BPIFB4: variants seen among roughly 807,000 people sequenced by gnomAD.
BPIFB4 encodes the protein BPI fold-containing family B member 4.
In BPIFB4, 62 loss-of-function variants were observed where a neutral mutation model predicts 69.2. The ratio of observed to expected loss-of-function variants is 0.90; its 90% confidence interval spans 0.73 to 1.11. The LOEUF is 1.11. BPIFB4 is among the 50% of genes least tolerant of loss of function. The pLI is 0.00. For missense variants in BPIFB4, 789 were observed against 792.0 expected, an observed-to-expected ratio of 1.00 and a Z score of 0.04; for synonymous variants, 330 against 332.7, an observed-to-expected ratio of 0.99 and a Z score of 0.09.
intron 11 of BPIFB4, among the ~76,000 whole-genome samples, chr20:33,093,409 A>G (rs947197251): frequency 6.6e-6 from 1 of 150,802 alleles, no homozygotes; most frequent in Non-Finnish European, 1.5e-5. Context: ...CCACCCATCC[A>G]CCAATCAAAC....
Position 33,088,982 on chromosome 20 carries a change from G to T in BPIFB4, c.943G>T (p.Val315Leu). The change falls in exon 8 of 18, where the codon GTG (valine) becomes TTG (leucine). Residue 315 changes from valine to leucine, a missense_variant. Transcript: ENST00000375483. ...TCTCCTTAGGCTTCTCCCCAATCTCGTGGACAATTTAGTGAACCGAGTCCT... is the reference window on the plus strand; with the variant it reads ...TCTCCTTAGGCTTCTCCCCAATCTCTTGGACAATTTAGTGAACCGAGTCCT... ...KLLRGLLPNL[V>L]DNLVNRVLAD... 1 of 1,613,864 alleles carries T rather than the reference G, an allele frequency of 6.2e-7. No homozygotes were observed. The highest frequency in any genetic ancestry group is 8.5e-7 in the Non-Finnish European group (1 of 1,179,814).
chr20:33,093,834 T>TCATC (rs112485472), intron 11 of BPIFB4, among the ~76,000 whole-genome samples: 2,565 of 149,202 alleles, frequency 0.017, 61 homozygotes, highest in African/African-American at 0.057. Context: ...CCTTCACAAT[T>TCATC]CATCCATCCA....
chr20:33,079,830 G>C (rs530286522), intron 1 of BPIFB4, 127 bp downstream of exon 1: 1 of 152,440 alleles, frequency 6.6e-6, no homozygotes, highest in Admixed American at 6.5e-5. Context: ...CAGGGGTCTT[G>C]TCTGTAGCAT....
At position 33,081,612 on chromosome 20, in the gene BPIFB4, C is replaced by G. The variant is rs150164177; in HGVS notation, c.86C>G (p.Thr29Arg). ...GAGACAAACACGGTCCTCAGGGTGA[C>G]GAAAGATGTGTTGAGCAATGGTGAG... Reference protein sequence around the residue: ...SHETNTVLRVTKDVLSNAISG... With the variant: ...SHETNTVLRVRKDVLSNAISG... The change falls in exon 3 of 18, where the codon ACG becomes AGG. Residue 29 changes from threonine (T) to arginine (R), a missense_variant. By Grantham distance (71) the Thr-to-Arg change is moderately conservative. Coordinates refer to ENST00000375483, the MANE Select transcript of BPIFB4 (RefSeq NM_182519.3). The G allele has an allele frequency of 3.2e-6, 5 of 1,551,690 alleles. No individual in the cohort carries two copies. Among genetic ancestry groups the G allele is most frequent in the Admixed American group, 2.0e-5 (1 of 51,014 alleles).
At chr20:33,096,665 G>T (rs1981763544) in intron 12 of BPIFB4, among the ~76,000 whole-genome samples, 1 of 152,180 alleles carries the variant, frequency 6.6e-6, no homozygotes, top group African/African-American at 2.4e-5. Flanking sequence ...GGAAACAGAG[G>T]CTCAGAGAGG....
intron 12 of BPIFB4, among the ~76,000 whole-genome samples, chr20:33,096,414 T>A (rs1305276690): frequency 6.6e-6 from 1 of 152,290 alleles, no homozygotes; most frequent in East Asian, 1.9e-4. Flanking sequence ...TAGCTGGGAC[T>A]ACAGGCATGC....
chr20:33,080,269 C>G (rs1261125398), intron 1 of BPIFB4, among the ~76,000 whole-genome samples, 200 bp from the exon 2 acceptor site: 1 of 152,106 alleles, frequency 6.6e-6, no homozygotes, highest in African/African-American at 2.4e-5. Context: ...CTGAAACCAA[C>G]AATTTCTTGG....
intron 13 of BPIFB4, among the ~76,000 whole-genome samples, chr20:33,099,685 A>C (rs1418988093): frequency 6.6e-6 from 1 of 151,982 alleles, no homozygotes; most frequent in Non-Finnish European, 1.5e-5. Context: ...GCCAAGTCCT[A>C]CATACCCTTC....
intron 11 of BPIFB4, 85 bp from the exon 12 acceptor site, chr20:33,095,015 T>A: frequency 1.5e-6 from 2 of 1,307,732 alleles, no homozygotes; most frequent in Non-Finnish European, 2.2e-6. Context: ...TTGTAAAGCA[T>A]GTAGGAGTTT....
intron 17 of BPIFB4, among the ~76,000 whole-genome samples, chr20:33,109,465 A>AG (rs1982174920): frequency 6.6e-6 from 1 of 152,112 alleles, no homozygotes; most frequent in African/African-American, 2.4e-5. Flanking sequence ...CAGAGAGGGT[A>AG]GGCCACTTGC....
chr20:33,105,343 G>T (rs898335209), intron 16 of BPIFB4, among the ~76,000 whole-genome samples: 7 of 152,132 alleles, frequency 4.6e-5, no homozygotes, highest in East Asian at 1.9e-4. Context: ...ATTGTGAAAA[G>T]TTCCATTGGC....
intron 16 of BPIFB4, among the ~76,000 whole-genome samples, chr20:33,106,376 C>CTTCTT (rs1555787049): frequency 3.8e-5 from 5 of 133,064 alleles, no homozygotes; most frequent in Non-Finnish European, 1.6e-5. Context: ...TCTTTTCTTT[C>CTTCTT]TTTTTTTTTT....
At chr20:33,084,625 G>A (rs1400223031) in intron 5 of BPIFB4, among the ~76,000 whole-genome samples, 1 of 152,216 alleles carries the variant, frequency 6.6e-6, no homozygotes, top group Non-Finnish European at 1.5e-5. Context: ...CAGAGAGAGG[G>A]AATGGCATCT....
intron 10 of BPIFB4, among the ~76,000 whole-genome samples, chr20:33,091,421 C>T (rs1600557077): frequency 6.6e-6 from 1 of 152,218 alleles, no homozygotes. Context: ...TGAGCTGGCT[C>T]CTCCAGCACT....
intron 10 of BPIFB4, among the ~76,000 whole-genome samples, chr20:33,091,994 A>G (rs562286445): frequency 6.6e-6 from 1 of 152,226 alleles, no homozygotes; most frequent in Non-Finnish European, 1.5e-5. Context: ...ATCCTGTGGG[A>G]AGGCTCCATG....
At chr20:33,110,159 G>A (rs971187838) in intron 17 of BPIFB4, among the ~76,000 whole-genome samples, 1 of 152,172 alleles carries the variant, frequency 6.6e-6, no homozygotes, top group Admixed American at 6.5e-5. Context: ...TCCAGTCAAG[G>A]ATCCCCTCTT....
rs1288436450 is a variant in BPIFB4 at position 33,084,922 on chromosome 20, G to A, written c.708G>A (p.Arg236=). The A allele has an allele frequency of 2.5e-6, 4 of 1,610,314 alleles. No homozygotes were observed. In the African/African-American group the frequency reaches 4.0e-5, roughly 16 times the overall value. Residue 236 remains arginine (R), a synonymous_variant, in exon 6 of 18, where the codon CGG becomes CGA. Coordinates refer to ENST00000375483, the MANE Select transcript of BPIFB4 (RefSeq NM_182519.3). ...GLRIVELTLP[R]VSVRLLPGVG... ...GTATCGTGGAGCTGACCCTCCCTCG[G>A]GTGTCCGTGCGGCTCCTGCCCGGCG...
At chr20:33,080,423 A>G (rs1270040938) in intron 1 of BPIFB4, 46 bp from the exon 2 acceptor site, 1 of 152,238 alleles carries the variant, frequency 6.6e-6, no homozygotes, top group South Asian at 2.1e-4. Flanking sequence ...TCCAAAATGC[A>G]TGTTTCACCT....
At chr20:33,100,173 C>T (rs185168716) in intron 13 of BPIFB4, among the ~76,000 whole-genome samples, 73 of 152,278 alleles carry the variant, frequency 4.8e-4, no homozygotes, top group Admixed American at 7.2e-4. Flanking sequence ...CACTTGCAAA[C>T]GATAGTTAAT....
Sources: allele counts gnomAD v4.1 joint callset (sites outside exome capture counted in the v4.1 genomes callset), GRCh38; gene constraint gnomAD v4.1.1; transcripts MANE v1.5; gene names NCBI Gene and HGNC (gene_info 2026-07-23, HGNC 2026-07-21).